KCNU1: variants seen among roughly 807,000 people sequenced by gnomAD.
KCNU1 encodes the protein potassium channel subfamily U member 1.
In KCNU1, 93 loss-of-function variants were observed where a neutral mutation model predicts 126.8. The observed-to-expected ratio is 0.73, with a 90% CI of 0.62 to 0.87. KCNU1 has a LOEUF of 0.87. Among genes scored for constraint, KCNU1 ranks in the 40% least tolerant of loss-of-function variants. KCNU1 has a pLI of 0.00. For missense variants in KCNU1, 1,330 were observed against 1,367.1 expected, an observed-to-expected ratio of 0.97 and a Z score of 0.43; for synonymous variants, 523 against 494.2, an observed-to-expected ratio of 1.06 and a Z score of -0.77.
chr8:36,905,665 G>C, intron 19 of KCNU1, 43 bp from the exon 20 acceptor site: 1 of 1,040,702 alleles, frequency 9.6e-7, no homozygotes, highest in Non-Finnish European at 1.5e-6. Flanking sequence ...TTACAGAGGA[G>C]CTCCAAATAG....
rs1411118520 is a variant in KCNU1, at chr8:36,878,555, T to A, written c.2009+14034T>A. On this transcript the variant is annotated intron_variant, in intron 19 of 26. Transcript: ENST00000399881. ...GAGTATCCAACTGACTCAGCTCAAG[T>A]CAGCTTTCTGTGTTATATCAGGAAA... Among the ~76,000 whole-genome samples the A allele has an allele frequency of 4.6e-5, 7 of 152,276 alleles. No homozygotes were observed. In the East Asian group the frequency reaches 1.4e-3, roughly 29 times the overall value.
intron 19 of KCNU1, among the ~76,000 whole-genome samples, chr8:36,903,533 A>G (rs1807502168): frequency 6.6e-6 from 1 of 152,288 alleles, no homozygotes; most frequent in South Asian, 2.1e-4. Context: ...AAATAAATAA[A>G]ATAAGTAAGT....
At chr8:36,889,338 C>A in intron 19 of KCNU1, 1 of 473,434 alleles carries the variant, frequency 2.1e-6, no homozygotes, top group Non-Finnish European at 4.3e-6. Flanking sequence ...TTGGATCTAT[C>A]ACCTGTCATC....
intron 2 of KCNU1, among the ~76,000 whole-genome samples, chr8:36,800,365 A>G (rs188899608): frequency 2.0e-5 from 3 of 152,250 alleles, no homozygotes; most frequent in East Asian, 1.9e-4. Context: ...CCAGGTTTCT[A>G]TGTGTTTTCT....
At chr8:36,848,394 T>C (rs1170821633) in intron 18 of KCNU1, among the ~76,000 whole-genome samples, 2 of 152,218 alleles carry the variant, frequency 1.3e-5, no homozygotes, top group Non-Finnish European at 2.9e-5. Context: ...ACTATTTTCT[T>C]CTAGCAGTTT....
chr8:36,811,611 T>G (rs1471424720), intron 7 of KCNU1, among the ~76,000 whole-genome samples: 1 of 152,146 alleles, frequency 6.6e-6, no homozygotes, highest in Non-Finnish European at 1.5e-5. Flanking sequence ...GTAAAGAGAA[T>G]TCAAGAATGG....
chr8:36,805,728 A>T lies in KCNU1; in HGVS notation c.468+443A>T, dbSNP rs963840371. Reference sequence around the variant, plus strand: ...TATTTCTCTCACTTTAGAGGTATTTATTAAGACCTGTTCTAGATCTAGATT... The same window carrying T: ...TATTTCTCTCACTTTAGAGGTATTTTTTAAGACCTGTTCTAGATCTAGATT... On this transcript the variant is annotated intron_variant, in intron 4 of 26. Coordinates refer to ENST00000399881, the MANE Select transcript of KCNU1 (RefSeq NM_001031836.3). Among the ~76,000 whole-genome samples the T allele has an allele frequency of 7.9e-5, 12 of 152,344 alleles. No homozygotes were observed. In the East Asian group the frequency reaches 2.3e-3, roughly 29 times the overall value.
chr8:36,896,392 G>A (rs1016245313), intron 19 of KCNU1, among the ~76,000 whole-genome samples: 7 of 152,000 alleles, frequency 4.6e-5, no homozygotes, highest in Non-Finnish European at 7.4e-5. Context: ...AATTTGATAA[G>A]AGCAATAATT....
At chr8:36,846,775 T>C (rs1259500611) in intron 18 of KCNU1, among the ~76,000 whole-genome samples, 1 of 123,416 alleles carries the variant, frequency 8.1e-6, no homozygotes, top group East Asian at 2.4e-4. Flanking sequence ...CACTCCAGCC[T>C]GGGCGACAGA....
At chr8:36,815,459 T>A in intron 8 of KCNU1, 137 bp from the exon 9 acceptor site, 1 of 474,916 alleles carries the variant, frequency 2.1e-6, no homozygotes. Context: ...AAAAACGAGG[T>A]CCCTTTAACA....
chr8:36,905,913 T>A, intron 20 of KCNU1, 109 bp downstream of exon 20: 3 of 592,388 alleles, frequency 5.1e-6, no homozygotes. Context: ...AAACTGTGAA[T>A]TTGTCAAAAA....
intron 16 of KCNU1, among the ~76,000 whole-genome samples, chr8:36,844,631 C>T (rs1805077489): frequency 6.6e-6 from 1 of 152,214 alleles, no homozygotes; most frequent in Non-Finnish European, 1.5e-5. Context: ...AGAACTTTGG[C>T]TGTGCAAGCT....
intron 2 of KCNU1, chr8:36,795,817 TG>T (rs1026400728): frequency 6.6e-6 from 1 of 152,260 alleles, no homozygotes. Flanking sequence ...GCCTTGGGCT[TG>T]GGGTAATATT....
chr8:36,933,479 T>C (rs1285236877), intron 26 of KCNU1, among the ~76,000 whole-genome samples: 1 of 151,978 alleles, frequency 6.6e-6, no homozygotes, highest in African/African-American at 2.4e-5. Context: ...ATCATGGGGG[T>C]GATATGTTCG....
chr8:36,831,793 G>C (rs1446241519), intron 10 of KCNU1, among the ~76,000 whole-genome samples: 1 of 150,060 alleles, frequency 6.7e-6, no homozygotes, highest in East Asian at 1.9e-4. Flanking sequence ...TTTGGCTTTT[G>C]TTGCCATTGC....
chr8:36,912,762 G>A (rs978141904), intron 22 of KCNU1, among the ~76,000 whole-genome samples: 5 of 151,912 alleles, frequency 3.3e-5, no homozygotes, highest in African/African-American at 9.7e-5. Context: ...ACAAGGTCAG[G>A]AGATTGAGAT....
At chr8:36,933,137 G>T (rs1200557766) in intron 26 of KCNU1, 105 bp downstream of exon 26, 4 of 703,154 alleles carry the variant, frequency 5.7e-6, no homozygotes, top group South Asian at 1.8e-5. Context: ...GTCCACAGTT[G>T]CAAGGAAGGG....
intron 2 of KCNU1, among the ~76,000 whole-genome samples, chr8:36,791,540 C>T (rs1404869105): frequency 2.0e-5 from 3 of 152,016 alleles, no homozygotes; most frequent in African/African-American, 4.8e-5. Context: ...AAATGCATAA[C>T]CTTTTCTGTG....
Position 36,866,049 on chromosome 8 carries a change from T to A in KCNU1, c.2009+1528T>A, listed in dbSNP as rs573229356. 2.0e-5 allele frequency among the ~76,000 whole-genome samples: 3 copies of A among 152,140 alleles called. No individual in the cohort carries two copies. In the East Asian group the frequency reaches 5.8e-4, roughly 29 times the overall value. Reference sequence around the variant, plus strand: ...GGTGGGGGAAATGGGGAGCTGTTGGTCAAAAGGTACCAAGGAATCACTTTG... The same window carrying A: ...GGTGGGGGAAATGGGGAGCTGTTGGACAAAAGGTACCAAGGAATCACTTTG... On this transcript the variant is annotated intron_variant, in intron 19 of 26. Transcript: ENST00000399881.
Sources: gnomAD v4.1 joint callset for allele counts (sites outside exome capture counted in the v4.1 genomes callset) on GRCh38, gnomAD v4.1.1 for gene constraint, MANE v1.5 for transcripts, NCBI Gene and HGNC (gene_info 2026-07-23, HGNC 2026-07-21) for gene names.